DGKB: variants seen among roughly 807,000 people sequenced by gnomAD.
DGKB encodes diacylglycerol kinase beta, also known as 90 kDa diacylglycerol kinase.
DGKB carries 67 observed loss-of-function variants against 114.3 expected under a neutral mutation model. The observed-to-expected ratio is 0.59, with a 90% CI of 0.48 to 0.72. DGKB has a LOEUF of 0.72. Among genes scored for constraint, DGKB ranks in the 30% least tolerant of loss-of-function variants. The pLI, the probability that DGKB is intolerant of heterozygous loss-of-function variation, is 0.00. For missense variants in DGKB, 907 were observed against 975.2 expected (o/e 0.93, Z 0.93); for synonymous variants, 398 against 323.1 (o/e 1.23, Z -2.49).
At chr7:14,391,511 GA>G (rs71033994) in intron 21 of DGKB, among the ~76,000 whole-genome samples, 1 of 139,388 alleles carries the variant, frequency 7.2e-6, no homozygotes, top group African/African-American at 2.6e-5. Context: ...GTCTACAAAA[GA>G]AAAAAAAATA....
intron 12 of DGKB, among the ~76,000 whole-genome samples, chr7:14,678,009 C>A (rs1285460497): frequency 6.6e-6 from 1 of 151,974 alleles, no homozygotes; most frequent in African/African-American, 2.4e-5. Flanking sequence ...AAAATTGATT[C>A]TTAAGTATTT....
intron 2 of DGKB, among the ~76,000 whole-genome samples, chr7:14,812,266 T>C (rs1045336713): frequency 6.6e-6 from 1 of 152,170 alleles, no homozygotes; most frequent in Non-Finnish European, 1.5e-5. Context: ...CAAATATCTG[T>C]TTGAGTCATG....
At chr7:14,898,484 C>T (rs78819513) in intron 1 of DGKB, among the ~76,000 whole-genome samples, 1,951 of 152,100 alleles carry the variant, frequency 0.013, 42 homozygotes, top group African/African-American at 0.045. Flanking sequence ...TAATAATTAT[C>T]CCATAAGGGT....
At chr7:14,547,321 C>A (rs1392290944) in intron 20 of DGKB, among the ~76,000 whole-genome samples, 1 of 151,890 alleles carries the variant, frequency 6.6e-6, no homozygotes, top group Non-Finnish European at 1.5e-5. Context: ...TCTGTACATA[C>A]CACATAAAGG....
chr7:14,625,984 A>G (rs1411307374), intron 14 of DGKB, among the ~76,000 whole-genome samples: 2 of 152,232 alleles, frequency 1.3e-5, no homozygotes, highest in Non-Finnish European at 2.9e-5. Flanking sequence ...TTAGAATTCC[A>G]AAAGAATAAT....
chr7:14,511,413 A>C (rs545464822), intron 20 of DGKB, among the ~76,000 whole-genome samples: 2 of 152,132 alleles, frequency 1.3e-5, no homozygotes, highest in Non-Finnish European at 2.9e-5. Flanking sequence ...CTAGCTTCCA[A>C]CTTTTCTTCT....
At chr7:14,910,139 G>A (rs1472315888) in intron 1 of DGKB, among the ~76,000 whole-genome samples, 1 of 151,842 alleles carries the variant, frequency 6.6e-6, no homozygotes, top group Non-Finnish European at 1.5e-5. Context: ...TACTTGGGAG[G>A]CTGAGGCAGG....
intron 13 of DGKB, among the ~76,000 whole-genome samples, chr7:14,648,566 G>A (rs962129756): frequency 3.3e-5 from 5 of 152,126 alleles, no homozygotes; most frequent in African/African-American, 1.2e-4. Context: ...AGGAAAACTG[G>A]AAACTCTAAA....
intron 24 of DGKB, 34 bp from the exon 25 acceptor site, chr7:14,176,933 G>T (rs115666158): frequency 3.7e-6 from 6 of 1,610,720 alleles, no homozygotes; most frequent in African/African-American, 1.3e-5. Flanking sequence ...AGTATTGCAA[G>T]GAAATACTTT....
intron 13 of DGKB, among the ~76,000 whole-genome samples, chr7:14,661,465 C>T (rs1286083455): frequency 7.2e-6 from 1 of 139,114 alleles, no homozygotes; most frequent in African/African-American, 2.6e-5. Flanking sequence ...TGCTCACCGT[C>T]ACTGGCCATC....
At chr7:14,808,743 C>A (rs1843057762) in intron 2 of DGKB, among the ~76,000 whole-genome samples, 1 of 152,042 alleles carries the variant, frequency 6.6e-6, no homozygotes, top group South Asian at 2.1e-4. Context: ...CCAGCAGACG[C>A]CAAGAGGCTC....
chr7:14,480,142 A>G (rs1017833073), intron 20 of DGKB, among the ~76,000 whole-genome samples: 4 of 151,982 alleles, frequency 2.6e-5, no homozygotes, highest in African/African-American at 9.7e-5. Flanking sequence ...AGAAGACAGG[A>G]GGGAGAAGAG....
chr7:14,514,597 G>A (rs1046702462), intron 20 of DGKB, among the ~76,000 whole-genome samples: 1 of 152,110 alleles, frequency 6.6e-6, no homozygotes, highest in Non-Finnish European at 1.5e-5. Flanking sequence ...AAATATTTCT[G>A]TTATTAAGAC....
At chr7:14,471,676 A>T (rs1281244541) in intron 21 of DGKB, among the ~76,000 whole-genome samples, 1 of 151,988 alleles carries the variant, frequency 6.6e-6, no homozygotes, top group Non-Finnish European at 1.5e-5. Flanking sequence ...TAATACCTCA[A>T]ATAATAGTTA....
intron 1 of DGKB, among the ~76,000 whole-genome samples, chr7:14,925,864 GT>G (rs375675557): frequency 0.011 from 1,490 of 137,854 alleles, 21 homozygotes; most frequent in African/African-American, 0.037. Flanking sequence ...GAATAATTGG[GT>G]CCCCCCCCCA....
intron 6 of DGKB, among the ~76,000 whole-genome samples, chr7:14,703,512 C>G (rs976939139): frequency 6.6e-6 from 1 of 152,284 alleles, no homozygotes; most frequent in Non-Finnish European, 1.5e-5. Flanking sequence ...TCTTTACTAG[C>G]CTGACTTGAA....
At chr7:14,266,287 T>C (rs1797508068) in intron 23 of DGKB, among the ~76,000 whole-genome samples, 1 of 152,216 alleles carries the variant, frequency 6.6e-6, no homozygotes, top group East Asian at 1.9e-4. Flanking sequence ...TTTTGCATCA[T>C]ATATTTTTAG....
chr7:14,460,762 A>T (rs1247711573), intron 21 of DGKB, among the ~76,000 whole-genome samples: 2 of 152,184 alleles, frequency 1.3e-5, no homozygotes, highest in Non-Finnish European at 2.9e-5. Flanking sequence ...GACCTAATAG[A>T]CATCTACAGA....
intron 21 of DGKB, among the ~76,000 whole-genome samples, chr7:14,400,470 C>T (rs144838345): frequency 6.6e-6 from 1 of 151,978 alleles, no homozygotes; most frequent in East Asian, 1.9e-4. Flanking sequence ...AAGTAACAGA[C>T]TTCATCTTGC....
Sources: gnomAD v4.1 joint callset for allele counts (sites outside exome capture counted in the v4.1 genomes callset) on GRCh38, gnomAD v4.1.1 for gene constraint, MANE v1.5 for transcripts, NCBI Gene and HGNC (gene_info 2026-07-23, HGNC 2026-07-21) for gene names.